Variants in OPCML observed in about 807,000 individuals in gnomAD.
OPCML encodes opioid binding protein/cell adhesion molecule like.
OPCML carries 13 observed loss-of-function variants against 37.8 expected under a neutral mutation model. That is an observed-to-expected ratio of 0.34 (90% confidence interval 0.22 to 0.55). The LOEUF is 0.55. Ranked by LOEUF, OPCML falls within the 20% of genes least tolerant of loss-of-function variation. The pLI is 0.91. For synonymous variants in OPCML, 176 were observed against 168.8 expected, an observed-to-expected ratio of 1.04 and a Z score of -0.33; for missense variants, 341 against 435.6, an observed-to-expected ratio of 0.78 and a Z score of 1.93.
rs7935905 is a variant in OPCML, at chr11:132,517,984, C to T, written c.505+11077G>A. Among the ~76,000 whole-genome samples the T allele has an allele frequency of 6.9e-3, 1,056 of 152,258 alleles. 14 individuals are homozygous for T. Among genetic ancestry groups the T allele is most frequent in the Middle Eastern group, 0.024 (7 of 294 alleles). ...TTCTTAGTTAAATCCAGACAATGAA[C>T]ATCTTACTTCCAAGCTCTCTTACTT... On this transcript the variant is annotated intron_variant, in intron 4 of 7. Transcript: ENST00000524381.
At chr11:133,203,243 G>T (rs1205681189) in intron 1 of OPCML, among the ~76,000 whole-genome samples, 1 of 152,234 alleles carries the variant, frequency 6.6e-6, no homozygotes, top group Admixed American at 6.5e-5. Flanking sequence ...GGATAGGTTT[G>T]CTCATCTGAA....
Position 132,419,783 on chromosome 11 carries a change from CTATGT to C in OPCML, c.*405_*409del, listed in dbSNP as rs1325825140. Reference sequence around the variant, plus strand: ...ACTTGGATGTAGCTCTTGCTGTGCACTATGTTATAAGTCAAGTTGTGTCTTCAGGG... The same window carrying C: ...ACTTGGATGTAGCTCTTGCTGTGCACTATAAGTCAAGTTGTGTCTTCAGGG... On this transcript the variant is annotated 3_prime_UTR_variant, in exon 8 of 8. Coordinates refer to ENST00000524381, the MANE Select transcript of OPCML (RefSeq NM_001012393.5). The C allele has an allele frequency of 3.4e-5, 6 of 174,406 alleles. No individual in the cohort carries two copies. The highest frequency in any genetic ancestry group is 1.5e-4 in the South Asian group (1 of 6,572). The allele number at this position is 174,406 out of a possible 1,614,324, so 10.8% of individuals were successfully genotyped here.
At chr11:133,522,246 G>C (rs1948410658) in intron 1 of OPCML, among the ~76,000 whole-genome samples, 1 of 152,098 alleles carries the variant, frequency 6.6e-6, no homozygotes, top group South Asian at 2.1e-4. Context: ...GCAGAGCCAA[G>C]CCCAAACAGA....
At chr11:132,829,071 C>G (rs1384493687) in intron 2 of OPCML, among the ~76,000 whole-genome samples, 1 of 152,182 alleles carries the variant, frequency 6.6e-6, no homozygotes, top group Non-Finnish European at 1.5e-5. Context: ...ACACATTACT[C>G]AAAACTTGCC....
chr11:132,695,660 G>T (rs1028253607), intron 2 of OPCML, among the ~76,000 whole-genome samples: 2 of 152,156 alleles, frequency 1.3e-5, no homozygotes, highest in African/African-American at 4.8e-5. Flanking sequence ...CAGCCAGCAG[G>T]ACCTGAACTT....
intron 1 of OPCML, among the ~76,000 whole-genome samples, chr11:133,364,860 T>G (rs1592236926): frequency 6.6e-6 from 1 of 152,022 alleles, no homozygotes; most frequent in Non-Finnish European, 1.5e-5. Flanking sequence ...GGGTGTGTGG[T>G]GAGGGGCCTG....
intron 1 of OPCML, among the ~76,000 whole-genome samples, chr11:133,219,448 C>G (rs1332833839): frequency 1.3e-5 from 2 of 152,176 alleles, no homozygotes; most frequent in African/African-American, 2.4e-5. Context: ...TTTGCCTAAT[C>G]TAGTTAATAA....
At chr11:133,346,032 T>C (rs1943994871) in intron 1 of OPCML, among the ~76,000 whole-genome samples, 1 of 152,176 alleles carries the variant, frequency 6.6e-6, no homozygotes, top group Non-Finnish European at 1.5e-5. Context: ...TCTGCATTAG[T>C]GTAGTTCTTC....
chr11:132,485,011 A>G (rs1249173709), intron 4 of OPCML, among the ~76,000 whole-genome samples: 7 of 152,178 alleles, frequency 4.6e-5, no homozygotes, highest in African/African-American at 1.7e-4. Flanking sequence ...TGGCACATGT[A>G]TACATATGTA....
chr11:132,497,086 T>G (rs541184842), intron 4 of OPCML, among the ~76,000 whole-genome samples: 5 of 152,252 alleles, frequency 3.3e-5, no homozygotes, highest in African/African-American at 9.6e-5. Flanking sequence ...ATCATGTATT[T>G]TGCAGGGACA....
chr11:132,937,207 C>T (rs921464820), intron 2 of OPCML, among the ~76,000 whole-genome samples: 20 of 152,048 alleles, frequency 1.3e-4, no homozygotes, highest in Non-Finnish European at 1.9e-4. Flanking sequence ...CCTGGCGGAC[C>T]GGCTCCCCAG....
intron 3 of OPCML, among the ~76,000 whole-genome samples, chr11:132,654,242 T>G (rs1941581346): frequency 6.6e-6 from 1 of 152,164 alleles, no homozygotes; most frequent in South Asian, 2.1e-4. Context: ...AGGAAATAAT[T>G]CAGCTTTCTG....
At chr11:132,990,571 T>G (rs1565385038) in intron 1 of OPCML, among the ~76,000 whole-genome samples, 1 of 152,200 alleles carries the variant, frequency 6.6e-6, no homozygotes, top group African/African-American at 2.4e-5. Context: ...ATTGGTCACC[T>G]AGAAATGAGA....
intron 2 of OPCML, among the ~76,000 whole-genome samples, chr11:132,815,213 A>T (rs1415906650): frequency 6.6e-6 from 1 of 152,114 alleles, no homozygotes; most frequent in East Asian, 1.9e-4. Context: ...CGTCTATCGG[A>T]TTATGCCTTT....
chr11:133,139,136 T>C (rs571029202), intron 1 of OPCML, among the ~76,000 whole-genome samples: 56 of 152,346 alleles, frequency 3.7e-4, no homozygotes, highest in African/African-American at 1.1e-3. Flanking sequence ...GTAATGTGAC[T>C]GAAATGCACT....
intron 2 of OPCML, among the ~76,000 whole-genome samples, chr11:132,884,936 C>T (rs576807023): frequency 6.6e-6 from 1 of 152,292 alleles, no homozygotes; most frequent in East Asian, 1.9e-4. Context: ...TAGAGGTGCA[C>T]CTGATTGAAT....
At chr11:133,057,035 G>C (rs1948253590) in intron 1 of OPCML, among the ~76,000 whole-genome samples, 1 of 152,026 alleles carries the variant, frequency 6.6e-6, no homozygotes, top group African/African-American at 2.4e-5. Flanking sequence ...GTAGAGACGG[G>C]GTTTCTCCAT....
At chr11:133,111,965 TA>T (rs1949260488) in intron 1 of OPCML, among the ~76,000 whole-genome samples, 1 of 152,202 alleles carries the variant, frequency 6.6e-6, no homozygotes, top group Admixed American at 6.5e-5. Flanking sequence ...TGAAGGATAT[TA>T]TTTTTTTCTT....
intron 2 of OPCML, among the ~76,000 whole-genome samples, chr11:132,718,712 G>C (rs1312625569): frequency 6.6e-6 from 1 of 152,280 alleles, no homozygotes; most frequent in African/African-American, 2.4e-5. Flanking sequence ...CACTGCACAG[G>C]GAAGCACACG....
Sources: allele counts gnomAD v4.1 joint callset (sites outside exome capture counted in the v4.1 genomes callset), GRCh38; gene constraint gnomAD v4.1.1; transcripts MANE v1.5; gene names NCBI Gene and HGNC (gene_info 2026-07-23, HGNC 2026-07-21).